IRAK1BP1: variants seen among roughly 807,000 people sequenced by gnomAD.
The protein encoded by IRAK1BP1 is interleukin 1 receptor associated kinase 1 binding protein 1.
A neutral mutation model predicts 28.0 loss-of-function variants in IRAK1BP1; 24 were observed. The observed-to-expected ratio is 0.86, with a 90% CI of 0.62 to 1.20. The LOEUF is 1.20. Ranked by LOEUF, IRAK1BP1 falls within the 50% of genes most tolerant of loss-of-function variation. The pLI, the probability that IRAK1BP1 is intolerant of heterozygous loss-of-function variation, is 0.00. For synonymous variants in IRAK1BP1, 131 were observed against 116.3 expected, an observed-to-expected ratio of 1.13 and a Z score of -0.81; for missense variants, 336 against 316.7, an observed-to-expected ratio of 1.06 and a Z score of -0.46.
intron 4 of IRAK1BP1, among the ~76,000 whole-genome samples, chr6:78,943,990 T>TAACAAA (rs1773661384): frequency 2.6e-5 from 2 of 78,144 alleles, no homozygotes; most frequent in Non-Finnish European, 4.5e-5. Context: ...TGTCTTTTTT[T>TAACAAA]AAAAAAAAAA....
chr6:78,958,030 A>G, the IRAK1BP1 span: 2 of 154,416 alleles, frequency 1.3e-5, no homozygotes, highest in African/African-American at 4.8e-5. Flanking sequence ...TTACCGTGCA[A>G]CCTTATACAT....
chr6:78,933,514 C>T (rs1323026310), intron 4 of IRAK1BP1, among the ~76,000 whole-genome samples: 4 of 152,250 alleles, frequency 2.6e-5, no homozygotes, highest in African/African-American at 9.6e-5. Flanking sequence ...ATGCAGGAGG[C>T]TGAGGCAGGA....
the IRAK1BP1 span, chr6:78,955,194 CAT>C: frequency 7.2e-7 from 1 of 1,395,400 alleles, no homozygotes; most frequent in Non-Finnish European, 1.0e-6. Flanking sequence ...CATTTTAATT[CAT>C]ATAAAGTACT....
the IRAK1BP1 span, among the ~76,000 whole-genome samples, chr6:78,979,334 A>C: frequency 6.6e-6 from 1 of 152,082 alleles, no homozygotes; most frequent in Non-Finnish European, 1.5e-5. Context: ...TATCCCCACA[A>C]ACCCCAAAGT....
At chr6:78,975,088 C>A in the IRAK1BP1 span, among the ~76,000 whole-genome samples, 8 of 151,576 alleles carry the variant, frequency 5.3e-5, no homozygotes, top group East Asian at 7.7e-4. Flanking sequence ...AATTTTAGAC[C>A]AATATCCTTG....
chr6:78,937,494 T>TTATGA (rs1773319628), intron 4 of IRAK1BP1: 1 of 151,742 alleles, frequency 6.6e-6, no homozygotes, highest in African/African-American at 2.4e-5. Flanking sequence ...GATTACTGTA[T>TTATGA]CTTATGTAAT....
chr6:78,896,428 G>T (rs1771884730), intron 2 of IRAK1BP1, among the ~76,000 whole-genome samples: 1 of 151,424 alleles, frequency 6.6e-6, no homozygotes, highest in African/African-American at 2.4e-5. Flanking sequence ...TGGATGAATT[G>T]CAAATACATT....
chr6:78,882,031 A>G (rs947459490), intron 1 of IRAK1BP1, among the ~76,000 whole-genome samples: 1 of 152,162 alleles, frequency 6.6e-6, no homozygotes, highest in African/African-American at 2.4e-5. Flanking sequence ...CTATGCATAT[A>G]TATATGTAAC....
At chr6:78,872,022 T>C (rs1770811516) in intron 1 of IRAK1BP1, 1 of 633,132 alleles carries the variant, frequency 1.6e-6, no homozygotes, top group Non-Finnish European at 2.8e-6. Flanking sequence ...TAAAGTCCTC[T>C]CCCCCAGCCC....
intron 4 of IRAK1BP1, among the ~76,000 whole-genome samples, chr6:78,914,366 A>G (rs1772502822): frequency 6.6e-6 from 1 of 152,212 alleles, no homozygotes; most frequent in Non-Finnish European, 1.5e-5. Flanking sequence ...GCACATTAAA[A>G]TGATTTGTAT....
chr6:78,950,175 T>C (rs1343674424), downstream of IRAK1BP1, among the ~76,000 whole-genome samples: 1 of 152,258 alleles, frequency 6.6e-6, no homozygotes, highest in East Asian at 1.9e-4. Flanking sequence ...ATTAATATGA[T>C]GGATTACACT....
intron 4 of IRAK1BP1, among the ~76,000 whole-genome samples, chr6:78,920,476 A>C (rs972146081): frequency 2.6e-5 from 4 of 152,210 alleles, no homozygotes; most frequent in Non-Finnish European, 5.9e-5. Context: ...ATAATGCCAC[A>C]CACCTACAGT....
the IRAK1BP1 span, among the ~76,000 whole-genome samples, chr6:78,974,700 G>A: frequency 0.45 from 68,169 of 151,688 alleles, 15,952 homozygotes; most frequent in East Asian, 0.69. Context: ...TATCACCACC[G>A]ATCCCACAGA....
chr6:78,918,597 AAAAG>A (rs1305403671), intron 4 of IRAK1BP1, among the ~76,000 whole-genome samples: 1 of 150,950 alleles, frequency 6.6e-6, no homozygotes, highest in Non-Finnish European at 1.5e-5. Flanking sequence ...AAAAAAAAAA[AAAAG>A]GGACAAAGAA....
the IRAK1BP1 span, chr6:78,954,745 T>A: frequency 7.6e-6 from 7 of 917,032 alleles, no homozygotes; most frequent in South Asian, 1.2e-4. Flanking sequence ...GTAACTAAAA[T>A]AGCCAACTGT....
intron 2 of IRAK1BP1, 29 bp downstream of exon 2, chr6:78,885,472 G>A (rs748945274): frequency 2.6e-6 from 3 of 1,135,974 alleles, no homozygotes; most frequent in Non-Finnish European, 3.8e-6. Flanking sequence ...ATTGGAAGCA[G>A]CATGATTTTG....
intron 4 of IRAK1BP1, among the ~76,000 whole-genome samples, chr6:78,919,751 C>G (rs755126771): frequency 3.9e-5 from 6 of 152,086 alleles, no homozygotes; most frequent in Non-Finnish European, 5.9e-5. Flanking sequence ...CAGCCAAATT[C>G]TACCTGATGT....
chr6:78,896,331 G>GAAAAAAAA, intron 2 of IRAK1BP1, among the ~76,000 whole-genome samples: 1 of 93,040 alleles, frequency 1.1e-5, no homozygotes, highest in Non-Finnish European at 2.4e-5. Context: ...AACCTAAATG[G>GAAAAAAAA]AAAAAAAAAA....
At chr6:78,945,693 A>C (rs1773774786) in exon 5 of IRAK1BP1, 1 of 611,520 alleles carries the variant, frequency 1.6e-6, no homozygotes, top group Admixed American at 2.5e-5. Context: ...CCCTTTTAGA[A>C]GCTGTCCCAT....
Sources: allele counts gnomAD v4.1 joint callset (sites outside exome capture counted in the v4.1 genomes callset), GRCh38; gene constraint gnomAD v4.1.1; transcripts MANE v1.5; gene names NCBI Gene and HGNC (gene_info 2026-07-23, HGNC 2026-07-21).